The following PRKD1 variants were observed in gnomAD, a reference collection of about 807,000 sequenced individuals.
The protein encoded by PRKD1 is protein kinase D1, also known as serine/threonine-protein kinase D1.
In PRKD1, 63 loss-of-function variants were observed where a neutral mutation model predicts 95.9. The ratio of observed to expected loss-of-function variants is 0.66; its 90% CI spans 0.54 to 0.81. The LOEUF is 0.81. Ranked by LOEUF, PRKD1 falls within the 30% of genes least tolerant of loss-of-function variation. The pLI is 0.00. For missense variants in PRKD1, 1,048 were observed against 1,165.3 expected (o/e 0.90, Z 1.47); for synonymous variants, 425 against 423.1 (o/e 1.00, Z -0.05).
At chr14:29,854,408 C>T (rs544110753) in intron 1 of PRKD1, among the ~76,000 whole-genome samples, 2 of 152,204 alleles carry the variant, frequency 1.3e-5, no homozygotes, top group South Asian at 4.1e-4. Flanking sequence ...GGCATTCTGC[C>T]CCTGCCCTAG....
chr14:29,856,755 C>T (rs1054301268), intron 1 of PRKD1, among the ~76,000 whole-genome samples: 1 of 152,332 alleles, frequency 6.6e-6, no homozygotes, highest in Admixed American at 6.5e-5. Context: ...TAGGAACAGA[C>T]TCCCGGGCAC....
chr14:29,685,705 A>C (rs557072297), intron 2 of PRKD1, among the ~76,000 whole-genome samples: 1 of 150,762 alleles, frequency 6.6e-6, no homozygotes, highest in African/African-American at 2.5e-5. Flanking sequence ...AACTCAAAGA[A>C]TGAGCAAAAG....
rs45465095 is a variant in PRKD1 at position 29,665,998 on chromosome 14, C to T, written c.535+79G>A. 5.1e-5 allele frequency: 73 copies of T among 1,423,932 alleles called. No individual in the cohort carries two copies. The East Asian group carries it at 1.7e-3, about 34-fold the overall frequency. The allele number at this position is 1,423,932 out of a possible 1,614,324, so 88.2% of individuals were successfully genotyped here. A position where few individuals can be genotyped will look rare whatever the true frequency, so the allele number is the denominator to read the frequency against. On this transcript the variant is annotated intron_variant, in intron 3 of 17. Transcript: ENST00000331968. ...TGATGGGCACTTAGCTTTTACGTAT[C>T]TTTGCAATTGTGAATTCTGCTGCGA...
intron 1 of PRKD1, among the ~76,000 whole-genome samples, chr14:29,838,549 C>A (rs1566629177): frequency 1.3e-5 from 2 of 151,614 alleles, no homozygotes; most frequent in African/African-American, 2.4e-5. Context: ...GCACAGTGAT[C>A]AAAAAAAAGT....
chr14:29,751,132 T>A (rs1323933536), intron 1 of PRKD1: 8 of 152,194 alleles, frequency 5.3e-5, no homozygotes, highest in Admixed American at 4.6e-4. Context: ...TTGAGCTAAG[T>A]GACAGAAAGG....
At chr14:29,818,270 C>A (rs996514071) in intron 1 of PRKD1, among the ~76,000 whole-genome samples, 1 of 152,170 alleles carries the variant, frequency 6.6e-6, no homozygotes, top group Non-Finnish European at 1.5e-5. Context: ...AGATGACAAA[C>A]AACAACAAAC....
At chr14:29,837,742 A>G (rs562881276) in intron 1 of PRKD1, among the ~76,000 whole-genome samples, 2 of 152,340 alleles carry the variant, frequency 1.3e-5, no homozygotes, top group Admixed American at 6.5e-5. Flanking sequence ...CATAACTAAA[A>G]CATTGATCCT....
chr14:29,807,413 T>C (rs1385095836), intron 1 of PRKD1, among the ~76,000 whole-genome samples: 2 of 151,478 alleles, frequency 1.3e-5, no homozygotes, highest in East Asian at 1.9e-4. Context: ...AAAAAAAAAA[T>C]TGAGACAGGG....
chr14:29,905,303 A>G (rs1894457657), intron 1 of PRKD1, among the ~76,000 whole-genome samples: 1 of 152,192 alleles, frequency 6.6e-6, no homozygotes, highest in Non-Finnish European at 1.5e-5. Flanking sequence ...AAATTTGACC[A>G]AGTTTCCCAG....
intron 1 of PRKD1, among the ~76,000 whole-genome samples, chr14:29,846,562 C>T (rs1221330203): frequency 6.6e-6 from 1 of 152,148 alleles, no homozygotes; most frequent in East Asian, 1.9e-4. Context: ...AGGTGCTGGG[C>T]CATGCAGGCT....
intron 2 of PRKD1, among the ~76,000 whole-genome samples, chr14:29,712,187 T>C (rs1235646349): frequency 3.9e-5 from 6 of 152,122 alleles, no homozygotes; most frequent in African/African-American, 1.4e-4. Context: ...CAAAAGGTAG[T>C]TTTTGGATTT....
At chr14:29,613,692 CTT>C (rs200485933) in intron 13 of PRKD1, among the ~76,000 whole-genome samples, 438 of 152,222 alleles carry the variant, frequency 2.9e-3, no homozygotes, top group African/African-American at 9.2e-3. Context: ...TTTTTGAAAA[CTT>C]TTCAATAATT....
rs377378919 is a variant in PRKD1 at position 29,792,493 on chromosome 14, G to A, written c.265-66819C>T. On this transcript the variant is annotated intron_variant, in intron 1 of 17. Transcript: ENST00000331968. ...AAATGTTGTTACAAATATTTATAGA[G>A]AATAATTGTATTCACTATTTAAAGT... is the stretch of plus-strand genomic sequence containing the variant. Among the ~76,000 whole-genome samples the A allele has an allele frequency of 3.9e-5, 6 of 152,178 alleles. No individual in the cohort carries two copies. The East Asian group carries it at 7.7e-4, about 20-fold the overall frequency.
chr14:29,865,483 C>T (rs955616738), intron 1 of PRKD1, among the ~76,000 whole-genome samples: 2 of 152,092 alleles, frequency 1.3e-5, no homozygotes, highest in African/African-American at 4.8e-5. Flanking sequence ...GGATTTATGT[C>T]TTTATTGTTT....
intron 1 of PRKD1, among the ~76,000 whole-genome samples, chr14:29,898,326 T>C (rs970567358): frequency 5.3e-5 from 8 of 152,106 alleles, no homozygotes; most frequent in African/African-American, 1.9e-4. Context: ...TTTTAAAGAA[T>C]TTTAAAATTT....
chr14:29,671,709 A>G (rs1882853532), intron 2 of PRKD1, among the ~76,000 whole-genome samples: 1 of 152,218 alleles, frequency 6.6e-6, no homozygotes, highest in Non-Finnish European at 1.5e-5. Flanking sequence ...TGAATTATAG[A>G]TGAGTACTTA....
intron 16 of PRKD1, among the ~76,000 whole-genome samples, chr14:29,582,978 G>C (rs1892799556): frequency 6.6e-6 from 1 of 152,124 alleles, no homozygotes; most frequent in South Asian, 2.1e-4. Context: ...GTAAGGAGTG[G>C]AGCAGAATGA....
At chr14:29,761,780 CTTTTTTT>C (rs751775466) in intron 1 of PRKD1, among the ~76,000 whole-genome samples, 20 of 135,160 alleles carry the variant, frequency 1.5e-4, no homozygotes, top group Non-Finnish European at 2.0e-4. Context: ...GATGTTCTTT[CTTTTTTT>C]TTTTTTTTTT....
At chr14:29,755,232 C>T (rs776818284) in intron 1 of PRKD1, among the ~76,000 whole-genome samples, 15 of 152,086 alleles carry the variant, frequency 9.9e-5, no homozygotes, top group Non-Finnish European at 2.2e-4. Context: ...AGAGGCTTAT[C>T]TCTCCCATTC....
Sources: gnomAD v4.1 joint callset for allele counts (sites outside exome capture counted in the v4.1 genomes callset) on GRCh38, gnomAD v4.1.1 for gene constraint, MANE v1.5 for transcripts, NCBI Gene and HGNC (gene_info 2026-07-23, HGNC 2026-07-21) for gene names.